The following DENND4C variants were observed in gnomAD, a reference collection of about 807,000 sequenced individuals.
DENND4C encodes DENN domain containing 4C, also known as DENN domain-containing protein 4C.
In DENND4C, 108 loss-of-function variants were observed where a neutral mutation model predicts 203.0. The ratio of observed to expected loss-of-function variants is 0.53; its 90% confidence interval spans 0.46 to 0.62. DENND4C has a LOEUF of 0.62. Among genes scored for constraint, DENND4C ranks in the 20% least tolerant of loss-of-function variants. The pLI is 0.00. For synonymous variants in DENND4C, 871 were observed against 792.4 expected (o/e 1.10, Z -1.67); for missense variants, 2,481 against 2,301.2 (o/e 1.08, Z -1.60).
At chr9:19,235,251 C>T (rs1407938683) in intron 1 of DENND4C, among the ~76,000 whole-genome samples, 1 of 152,322 alleles carries the variant, frequency 6.6e-6, no homozygotes, top group South Asian at 2.1e-4. Flanking sequence ...AGGCGTGAGC[C>T]ACCACGCCTA....
At chr9:19,230,864 G>C (rs1042784598) in intron 1 of DENND4C, 31 bp downstream of exon 1, 1 of 152,580 alleles carries the variant, frequency 6.6e-6, no homozygotes, top group African/African-American at 2.4e-5. Context: ...CTTTGGCGGA[G>C]GAAGCCTGCG....
chr9:19,362,882 A>G (rs955750919), intron 30 of DENND4C, among the ~76,000 whole-genome samples: 2 of 152,252 alleles, frequency 1.3e-5, no homozygotes, highest in East Asian at 1.9e-4. Context: ...GAAAAATACA[A>G]TTCAGTAGAG....
intron 1 of DENND4C, among the ~76,000 whole-genome samples, chr9:19,251,098 G>C (rs552977972): frequency 1.6e-4 from 25 of 152,234 alleles, no homozygotes; most frequent in Non-Finnish European, 3.2e-4. Context: ...GGTTCTCCAT[G>C]AGGGCCCCGC....
chr9:19,320,911 A>G (rs1181380313), intron 12 of DENND4C, among the ~76,000 whole-genome samples: 1 of 152,236 alleles, frequency 6.6e-6, no homozygotes, highest in Non-Finnish European at 1.5e-5. Flanking sequence ...TATTTTATTT[A>G]AGCTTTTCTC....
At chr9:19,263,520 C>T (rs1829845452) in intron 1 of DENND4C, among the ~76,000 whole-genome samples, 1 of 151,682 alleles carries the variant, frequency 6.6e-6, no homozygotes, top group South Asian at 2.1e-4. Flanking sequence ...CCGTGCCCTG[C>T]TAATTTTTTT....
chr9:19,261,235 G>T (rs1829274760), intron 1 of DENND4C, among the ~76,000 whole-genome samples: 1 of 152,028 alleles, frequency 6.6e-6, no homozygotes, highest in South Asian at 2.1e-4. Context: ...TTATTTTAAT[G>T]CCACTGACAT....
intron 1 of DENND4C, among the ~76,000 whole-genome samples, chr9:19,265,387 C>G (rs1228410508): frequency 6.6e-6 from 1 of 151,942 alleles, no homozygotes; most frequent in African/African-American, 2.4e-5. Flanking sequence ...TCTTTAATTT[C>G]CATGTGTTTA....
chr9:19,339,665 A>C (rs189101896), intron 20 of DENND4C, among the ~76,000 whole-genome samples: 1 of 152,250 alleles, frequency 6.6e-6, no homozygotes, highest in East Asian at 1.9e-4. Context: ...CTATTTTTGA[A>C]AGAACACTCT....
chr9:19,356,569 T>C (rs1316621343), intron 26 of DENND4C, among the ~76,000 whole-genome samples: 2 of 151,914 alleles, frequency 1.3e-5, no homozygotes, highest in Non-Finnish European at 2.9e-5. Context: ...TAAGTAATTA[T>C]AGGTTAATAT....
At chr9:19,234,447 G>C (rs1251220921) in intron 1 of DENND4C, among the ~76,000 whole-genome samples, 2 of 150,724 alleles carry the variant, frequency 1.3e-5, no homozygotes, top group African/African-American at 2.4e-5. Context: ...AGCCAGGATG[G>C]TCTTGATCTC....
chr9:19,351,037 A>G (rs1824002725), intron 24 of DENND4C, among the ~76,000 whole-genome samples, 158 bp downstream of exon 24: 1 of 152,058 alleles, frequency 6.6e-6, no homozygotes, highest in African/African-American at 2.4e-5. Context: ...TGCTGGGATT[A>G]CAAGCGTGAG....
chr9:19,342,530 T>G, intron 21 of DENND4C, 103 bp from the exon 22 acceptor site: 1 of 1,256,410 alleles, frequency 8.0e-7, no homozygotes, highest in Non-Finnish European at 1.1e-6. Context: ...ATAGACACAC[T>G]GACTGTTGGA....
At chr9:19,258,750 G>A (rs1373193384) in intron 1 of DENND4C, among the ~76,000 whole-genome samples, 1 of 151,964 alleles carries the variant, frequency 6.6e-6, no homozygotes, top group Admixed American at 6.6e-5. Flanking sequence ...TGCCTTCTGG[G>A]TTCAGGAGAT....
intron 1 of DENND4C, among the ~76,000 whole-genome samples, chr9:19,264,966 A>C (rs764021901): frequency 1.3e-5 from 2 of 151,946 alleles, no homozygotes; most frequent in African/African-American, 2.4e-5. Flanking sequence ...TGTATCCTGT[A>C]GGTTTTAGTA....
At chr9:19,319,096 G>C (rs1329658820) in intron 12 of DENND4C, among the ~76,000 whole-genome samples, 1 of 151,332 alleles carries the variant, frequency 6.6e-6, no homozygotes, top group Non-Finnish European at 1.5e-5. Flanking sequence ...TTCATCCCGC[G>C]AGGCAGAAGT....
intron 30 of DENND4C, among the ~76,000 whole-genome samples, chr9:19,368,323 G>A (rs553245302): frequency 1.3e-5 from 2 of 149,984 alleles, no homozygotes; most frequent in African/African-American, 2.5e-5. Context: ...ATTTAGGGGC[G>A]GTGTTACACA....
At chr9:19,314,745 GTGTTCCAGGT>G (rs1186524239) in intron 10 of DENND4C, among the ~76,000 whole-genome samples, 2 of 152,108 alleles carry the variant, frequency 1.3e-5, no homozygotes. Flanking sequence ...GGTACAACCA[GTGTTCCAGGT>G]TGATCCTAAA....
At chr9:19,332,600 A>G (rs533891023) in intron 17 of DENND4C, among the ~76,000 whole-genome samples, 1 of 150,036 alleles carries the variant, frequency 6.7e-6, no homozygotes, top group Admixed American at 6.6e-5. Flanking sequence ...CCTGGCCTCA[A>G]GTGATCTGCC....
chr9:19,289,977 T>A (rs893819805), intron 4 of DENND4C, among the ~76,000 whole-genome samples: 1 of 152,162 alleles, frequency 6.6e-6, no homozygotes, highest in African/African-American at 2.4e-5. Flanking sequence ...AAGTATTCAG[T>A]TATTTGATAT....
Sources: allele counts gnomAD v4.1 joint callset (sites outside exome capture counted in the v4.1 genomes callset), GRCh38; gene constraint gnomAD v4.1.1; transcripts MANE v1.5; gene names NCBI Gene and HGNC (gene_info 2026-07-23, HGNC 2026-07-21).